ATP11A: variants seen among roughly 807,000 people sequenced by gnomAD.
The protein encoded by ATP11A is phospholipid-transporting ATPase IH.
Under a neutral mutation model 154.4 loss-of-function variants are expected in ATP11A, and 81 were observed. The observed-to-expected ratio is 0.52, with a 90% CI of 0.44 to 0.63. The LOEUF is 0.63. Among genes scored for constraint, ATP11A ranks in the 30% least tolerant of loss-of-function variants. The pLI is 0.00. For synonymous variants in ATP11A, 623 were observed against 585.9 expected, an observed-to-expected ratio of 1.06 and a Z score of -0.91; for missense variants, 1,316 against 1,474.3, an observed-to-expected ratio of 0.89 and a Z score of 1.76.
chr13:112,882,994 G>A lies in ATP11A; in HGVS notation c.*1128G>A, dbSNP rs1403121622. 6 of 398,946 alleles carry A rather than the reference G, an allele frequency of 1.5e-5. No individual in the cohort carries two copies. In the East Asian group the frequency reaches 1.8e-4, roughly 12 times the overall value. 24.7% of individuals were successfully genotyped at this position (398,946 alleles called of 1,614,324 possible). On this transcript the variant is annotated 3_prime_UTR_variant, in exon 30 of 30. Coordinates refer to ENST00000375645, the MANE Select transcript of ATP11A (RefSeq NM_015205.3). This position sits in a 1 kb window ranked among gnomAD's most constrained non-coding sequence, Gnocchi z 5.1. The stretch of plus-strand genomic sequence containing the variant: ...TGCAGCTCCGCCCGCCGGGCTCTGC[G>A]TCCCCACGTCCCCTCGTCCCATCCC...
In ATP11A at chr13:112,696,428, T is replaced by TGA. The variant is rs962323234; in HGVS notation, c.39+5974_39+5975insAG. Among the ~76,000 whole-genome samples, 1 of 152,054 alleles carries TGA rather than the reference T, an allele frequency of 6.6e-6. No individual in the cohort carries two copies. Among genetic ancestry groups the TGA allele is most frequent in the African/African-American group, 2.4e-5 (1 of 41,422 alleles). Reference sequence around the variant, plus strand: ...CCAGCAGCCTTTCTGCCTCTGCGCTTGCCTCCTCCGGTTGGAGCGAGTGAC... The same window carrying TGA: ...CCAGCAGCCTTTCTGCCTCTGCGCTTGAGCCTCCTCCGGTTGGAGCGAGTGAC... On this transcript the variant is annotated intron_variant, in intron 1 of 29. Transcript: ENST00000375645. The surrounding 1 kb of genome is among the most constrained non-coding windows in gnomAD (Gnocchi z 6.2).
At chr13:112,725,563 C>G (rs1000130936) in intron 1 of ATP11A, among the ~76,000 whole-genome samples, 3 of 152,218 alleles carry the variant, frequency 2.0e-5, no homozygotes, top group Non-Finnish European at 4.4e-5. Context: ...AGTGTGTGCT[C>G]TATGTGCTTA....
At chr13:112,740,752 TC>T (rs1271448384) in intron 1 of ATP11A, among the ~76,000 whole-genome samples, 1 of 152,178 alleles carries the variant, frequency 6.6e-6, no homozygotes, top group Non-Finnish European at 1.5e-5. Context: ...CGGGAGGACT[TC>T]CTGTTGTGTA....
At chr13:112,721,936 A>G (rs1159524906) in intron 1 of ATP11A, among the ~76,000 whole-genome samples, 1 of 152,190 alleles carries the variant, frequency 6.6e-6, no homozygotes, top group Non-Finnish European at 1.5e-5. Context: ...CGTGGCAGAC[A>G]AGGGGAGGCC....
chr13:112,743,389 C>G (rs1891753505), intron 1 of ATP11A, among the ~76,000 whole-genome samples: 2 of 141,662 alleles, frequency 1.4e-5, no homozygotes, highest in African/African-American at 6.3e-5. Context: ...ACGGCATAGG[C>G]AGGTGTTGTA....
At chr13:112,819,782 C>G in intron 7 of ATP11A, 118 bp from the exon 8 acceptor site, 1 of 1,051,394 alleles carries the variant, frequency 9.5e-7, no homozygotes. Flanking sequence ...CTGCTTTAGC[C>G]GCACACGGAG....
chr13:112,822,184 C>T (rs980403326), intron 8 of ATP11A, among the ~76,000 whole-genome samples: 1 of 152,216 alleles, frequency 6.6e-6, no homozygotes, highest in African/African-American at 2.4e-5. Flanking sequence ...CTGAAGCAAT[C>T]CTCTGAATGT....
chr13:112,742,394 C>T (rs1410165103), intron 1 of ATP11A, among the ~76,000 whole-genome samples: 2 of 151,980 alleles, frequency 1.3e-5, no homozygotes, highest in Middle Eastern at 3.4e-3. Flanking sequence ...GGAGCCCCTG[C>T]GGGCGCTGGT....
chr13:112,716,605 C>G (rs1594394139), intron 1 of ATP11A, among the ~76,000 whole-genome samples: 1 of 152,306 alleles, frequency 6.6e-6, no homozygotes, highest in Admixed American at 6.5e-5. Flanking sequence ...AGGGCCAGAG[C>G]CTGGCTCGGG....
Position 112,885,157 on chromosome 13 carries a change from GAC to G in ATP11A, c.*3294_*3295del, listed in dbSNP as rs774093584. On this transcript the variant is annotated 3_prime_UTR_variant, in exon 30 of 30. Transcript: ENST00000375645. Reference sequence around the variant, plus strand: ...AACATGCACGTGTACACATACCACAGACACGCGTGTGCATGCTCCTACACAAT... The same window carrying G: ...AACATGCACGTGTACACATACCACAGACGCGTGTGCATGCTCCTACACAAT... The G allele has an allele frequency of 7.9e-5, 12 of 152,192 alleles. No individual in the cohort carries two copies. The highest frequency in any genetic ancestry group is 3.2e-3 in the Middle Eastern group (1 of 314). 9.4% of individuals were successfully genotyped at this position (152,192 alleles called of 1,614,324 possible).
chr13:112,724,696 C>A (rs754542714), intron 1 of ATP11A, among the ~76,000 whole-genome samples: 1 of 150,944 alleles, frequency 6.6e-6, no homozygotes, highest in South Asian at 2.1e-4. Context: ...CCGGCCCCCC[C>A]CCAGGAAGCT....
chr13:112,805,070 T>C (rs762027998), intron 3 of ATP11A, 24 bp downstream of exon 3: 2 of 1,524,314 alleles, frequency 1.3e-6, no homozygotes, highest in African/African-American at 2.8e-5. Flanking sequence ...TTGTTTTCCA[T>C]CTCATCACAT....
At chr13:112,864,162 C>A (rs144435489) in intron 25 of ATP11A, among the ~76,000 whole-genome samples, 365 of 44,318 alleles carry the variant, frequency 8.2e-3, no homozygotes, top group Middle Eastern at 0.026. Flanking sequence ...CCATCACCAC[C>A]TGCGCAGTAA....
At chr13:112,857,747 T>C in intron 20 of ATP11A, 71 bp from the exon 21 acceptor site, 1 of 1,232,308 alleles carries the variant, frequency 8.1e-7, no homozygotes, top group Non-Finnish European at 1.2e-6. Context: ...TTGTTATTTC[T>C]GCCTAGTGAA....
intron 1 of ATP11A, among the ~76,000 whole-genome samples, chr13:112,742,424 G>T (rs1238050453): frequency 6.6e-6 from 1 of 152,210 alleles, no homozygotes; most frequent in Non-Finnish European, 1.5e-5. Flanking sequence ...AGACTGGGGT[G>T]TGAGCACGCG....
chr13:112,783,326 C>G (rs2077543833), intron 1 of ATP11A, among the ~76,000 whole-genome samples: 1 of 152,156 alleles, frequency 6.6e-6, no homozygotes, highest in Admixed American at 6.5e-5. Context: ...CCTGAAGCAC[C>G]GAGGGGCAGC....
At chr13:112,806,400 TCAAC>T (rs1431209464) in intron 4 of ATP11A, 107 bp downstream of exon 4, 4 of 800,072 alleles carry the variant, frequency 5.0e-6, no homozygotes, top group Non-Finnish European at 8.1e-6. Flanking sequence ...CACAGAAAAT[TCAAC>T]CAAGTTCTAG....
chr13:112,799,920 T>G (rs915106907), intron 2 of ATP11A, among the ~76,000 whole-genome samples: 3 of 152,116 alleles, frequency 2.0e-5, no homozygotes, highest in African/African-American at 4.8e-5. Flanking sequence ...ATTTGGAGAT[T>G]AAACAAAACA....
In ATP11A at chr13:112,836,244, T is replaced by G; in HGVS notation, c.1698T>G (p.Ser566=). The G allele has an allele frequency of 6.2e-7, 1 of 1,604,308 alleles. No homozygotes were observed. The highest frequency in any genetic ancestry group is 2.2e-5 in the East Asian group (1 of 44,706). Residue 566 remains serine, a synonymous_variant, in exon 16 of 30, where the codon TCT becomes TCG. Coordinates refer to ENST00000375645, the MANE Select transcript of ATP11A (RefSeq NM_015205.3). ...GGAGAATGAGTGTAATTGTAAAATC[T>G]GCTACAGGTAAAATTTCTTTTTCTT... The part of the protein sequence containing the change: ...VRRRMSVIVK[S]ATGEIYLFCK...
Sources: gnomAD v4.1 joint callset for allele counts (sites outside exome capture counted in the v4.1 genomes callset) on GRCh38, gnomAD v4.1.1 for gene constraint, Gnocchi (gnomAD v3.1) non-coding constraint, MANE v1.5 for transcripts, NCBI Gene and HGNC (gene_info 2026-07-23, HGNC 2026-07-21) for gene names.